Variants in OR2L13 observed in about 807,000 individuals in gnomAD.
The protein encoded by OR2L13 is olfactory receptor family 2 subfamily L member 13.
OR2L13 carries 14 observed loss-of-function variants against 15.3 expected under a neutral mutation model. That is an observed-to-expected ratio of 0.91 (90% CI 0.60 to 1.43). The LOEUF (loss-of-function observed/expected upper bound fraction) is 1.43. OR2L13 is among the 40% of genes most tolerant of loss of function. OR2L13 has a pLI of 0.00. For synonymous variants in OR2L13, 152 were observed against 142.9 expected, an observed-to-expected ratio of 1.06 and a Z score of -0.45; for missense variants, 367 against 387.9, an observed-to-expected ratio of 0.95 and a Z score of 0.45.
At chr1:248,020,949 C>T in the OR2L13 span, among the ~76,000 whole-genome samples, 68 of 151,566 alleles carry the variant, frequency 4.5e-4, no homozygotes, top group African/African-American at 1.6e-3. Context: ...AAAGACAATT[C>T]AAGAAGGAAA....
the OR2L13 span, among the ~76,000 whole-genome samples, chr1:248,034,284 T>G: frequency 1.4e-4 from 22 of 152,126 alleles, no homozygotes; most frequent in Non-Finnish European, 4.4e-5. Flanking sequence ...CCACCATCAT[T>G]CTTCACAGAC....
At chr1:247,952,119 A>G in the OR2L13 span, among the ~76,000 whole-genome samples, 4 of 152,184 alleles carry the variant, frequency 2.6e-5, no homozygotes, top group Admixed American at 1.3e-4. Context: ...TAGCTCCTCT[A>G]TCACATTCAT....
chr1:247,991,102 A>C, the OR2L13 span: 1 of 1,603,518 alleles, frequency 6.2e-7, no homozygotes. Flanking sequence ...CTTCTACACC[A>C]TCCTCACTCC....
chr1:247,961,023 G>T, the OR2L13 span, among the ~76,000 whole-genome samples: 3 of 152,136 alleles, frequency 2.0e-5, no homozygotes, highest in African/African-American at 7.2e-5. Flanking sequence ...CCCGTCTTCT[G>T]CGTCGCTCAC....
At chr1:248,053,596 A>G in the OR2L13 span, among the ~76,000 whole-genome samples, 1 of 152,106 alleles carries the variant, frequency 6.6e-6, no homozygotes, top group African/African-American at 2.4e-5. Context: ...TCCTATTCCT[A>G]TTTCACAGCC....
At chr1:247,942,875 C>T in the OR2L13 span, among the ~76,000 whole-genome samples, 834 of 152,214 alleles carry the variant, frequency 5.5e-3, 11 homozygotes, top group African/African-American at 0.019. Context: ...CAATTACTCT[C>T]CTTCTCTCCC....
At chr1:248,087,630 C>A in the OR2L13 span, 2 of 152,140 alleles carry the variant, frequency 1.3e-5, no homozygotes, top group African/African-American at 4.8e-5. Context: ...TAAAAATCCT[C>A]TGTGGTCACT....
At chr1:247,991,352 A>T in the OR2L13 span, 3 of 585,344 alleles carry the variant, frequency 5.1e-6, 1 homozygote, top group South Asian at 7.1e-5. Context: ...TGGCATTTCA[A>T]TTGCATATTC....
At chr1:248,069,688 TAA>T in the OR2L13 span, among the ~76,000 whole-genome samples, 2 of 152,016 alleles carry the variant, frequency 1.3e-5, no homozygotes, top group African/African-American at 2.4e-5. Flanking sequence ...GCAAATTGGA[TAA>T]AGAGTCAAGA....
chr1:248,074,844 T>C, the OR2L13 span, among the ~76,000 whole-genome samples: 1 of 152,148 alleles, frequency 6.6e-6, no homozygotes, highest in African/African-American at 2.4e-5. Context: ...AAGTTAAAAA[T>C]AAAAATCTTA....
the OR2L13 span, among the ~76,000 whole-genome samples, chr1:247,941,698 T>C: frequency 1.3e-5 from 2 of 152,270 alleles, no homozygotes; most frequent in South Asian, 4.1e-4. Context: ...TGAAAGAATT[T>C]GTGAAACAAA....
chr1:248,023,497 G>A, the OR2L13 span: 1 of 152,124 alleles, frequency 6.6e-6, no homozygotes, highest in African/African-American at 2.4e-5. Context: ...ATGTGGAGTA[G>A]GTTATTTGAA....
chr1:248,074,824 A>G, the OR2L13 span, among the ~76,000 whole-genome samples: 2 of 152,200 alleles, frequency 1.3e-5, no homozygotes, highest in Non-Finnish European at 2.9e-5. Flanking sequence ...TGAATCTAAA[A>G]TACAAGTTGA....
At chr1:247,986,267 C>G in the OR2L13 span, among the ~76,000 whole-genome samples, 2 of 152,102 alleles carry the variant, frequency 1.3e-5, no homozygotes, top group Admixed American at 6.6e-5. Flanking sequence ...AGTCTTTAAT[C>G]CATCTTGAAT....
the OR2L13 span, chr1:248,055,958 G>C: frequency 6.6e-6 from 1 of 152,100 alleles, no homozygotes; most frequent in Non-Finnish European, 1.5e-5. Flanking sequence ...ACTTGTTATT[G>C]GTCTATTTAG....
chr1:247,965,741 G>A, the OR2L13 span: 30 of 1,562,438 alleles, frequency 1.9e-5, no homozygotes, highest in Non-Finnish European at 2.3e-5. Flanking sequence ...TCTTATGATC[G>A]CTATGTAGCT....
chr1:248,093,852 C>T (rs112772321), upstream of OR2L13, among the ~76,000 whole-genome samples: 13 of 152,010 alleles, frequency 8.6e-5, no homozygotes, highest in African/African-American at 2.9e-4. Flanking sequence ...CATTCTTGCT[C>T]ATATGTGGGA....
the OR2L13 span, among the ~76,000 whole-genome samples, chr1:247,989,752 T>C: frequency 1.3e-5 from 2 of 152,212 alleles, no homozygotes; most frequent in Non-Finnish European, 2.9e-5. Context: ...TATCCACTGC[T>C]TTGCTTTTTG....
chr1:248,063,724 T>C, the OR2L13 span, among the ~76,000 whole-genome samples: 4 of 152,086 alleles, frequency 2.6e-5, no homozygotes, highest in African/African-American at 9.7e-5. Flanking sequence ...TCACCACCAA[T>C]CTGAGCCCAG....
Sources: gnomAD v4.1 joint callset for allele counts (sites outside exome capture counted in the v4.1 genomes callset) on GRCh38, gnomAD v4.1.1 for gene constraint, MANE v1.5 for transcripts, NCBI Gene and HGNC (gene_info 2026-07-23, HGNC 2026-07-21) for gene names.